Variants in STIM1 observed in about 807,000 individuals in gnomAD.
STIM1 encodes the protein stromal interaction molecule 1.
A neutral mutation model predicts 74.7 loss-of-function variants in STIM1; 25 were observed. The observed-to-expected ratio is 0.33, with a 90% CI of 0.24 to 0.47. The LOEUF (loss-of-function observed/expected upper bound fraction) is 0.47. Ranked by LOEUF, STIM1 falls within the 20% of genes least tolerant of loss-of-function variation. The pLI is 1.00. For missense variants in STIM1, 728 were observed against 920.8 expected, an observed-to-expected ratio of 0.79 and a Z score of 2.71; for synonymous variants, 328 against 348.8, an observed-to-expected ratio of 0.94 and a Z score of 0.66.
At chr11:3,879,497 A>T (rs1490049487) in intron 1 of STIM1, among the ~76,000 whole-genome samples, 1 of 152,170 alleles carries the variant, frequency 6.6e-6, no homozygotes, top group Admixed American at 6.5e-5. Context: ...TCATATTATA[A>T]TAACTCCCCA....
At chr11:3,879,038 C>G (rs2091403739) in intron 1 of STIM1, among the ~76,000 whole-genome samples, 1 of 152,156 alleles carries the variant, frequency 6.6e-6, no homozygotes, top group Non-Finnish European at 1.5e-5. Flanking sequence ...TCACTGCAAC[C>G]TCCGCCTCCC....
intron 2 of STIM1, among the ~76,000 whole-genome samples, chr11:3,982,279 C>T (rs1590621613): frequency 6.6e-6 from 1 of 151,954 alleles, no homozygotes; most frequent in East Asian, 1.9e-4. Flanking sequence ...CTCTGCCCAC[C>T]TCAGCCTCCC....
intron 2 of STIM1, among the ~76,000 whole-genome samples, chr11:4,018,661 A>G (rs1018066841): frequency 6.6e-6 from 1 of 151,256 alleles, no homozygotes; most frequent in East Asian, 1.9e-4. Flanking sequence ...AAAAAAAAAA[A>G]AAAGGCATAA....
chr11:4,003,030 T>C (rs2093736013), intron 2 of STIM1, among the ~76,000 whole-genome samples: 1 of 150,480 alleles, frequency 6.6e-6, no homozygotes, highest in Non-Finnish European at 1.5e-5. Flanking sequence ...CTCCCAAGAC[T>C]AAACCAGGAA....
chr11:3,921,780 C>G (rs2092720628), intron 1 of STIM1: 1 of 152,164 alleles, frequency 6.6e-6, no homozygotes, highest in South Asian at 2.1e-4. Flanking sequence ...TTTGCTTTCT[C>G]TCTGTCTCTT....
rs59411916 is a variant in STIM1 at position 3,895,667 on chromosome 11, T to C, written c.139+39258T>C. Among the ~76,000 whole-genome samples, 258 of 37,388 alleles carry C rather than the reference T, an allele frequency of 6.9e-3. 6 individuals carry two copies. Among genetic ancestry groups the C allele is most frequent in the African/African-American group, 0.021 (132 of 6,266 alleles). The allele number at this position is 37,388 out of a possible 152,430, so 24.5% of individuals were successfully genotyped here. ...CTTTCTTTCTTTCTTTCTTTCTTTC[T>C]TTCTTTCCTTCCTTCCTTCTTTCTT... On this transcript the variant is annotated intron_variant, in intron 1 of 12. Coordinates refer to ENST00000526596, the MANE Select transcript of STIM1 (RefSeq NM_001382567.1).
intron 1 of STIM1, among the ~76,000 whole-genome samples, chr11:3,887,786 G>A (rs376784988): frequency 5.9e-5 from 9 of 152,068 alleles, no homozygotes; most frequent in South Asian, 2.1e-4. Context: ...GGCTAACATG[G>A]TGAAACCCTG....
chr11:4,016,919 C>T (rs945247750), intron 2 of STIM1, among the ~76,000 whole-genome samples: 12 of 152,342 alleles, frequency 7.9e-5, no homozygotes, highest in Middle Eastern at 3.4e-3. Context: ...TTGCGAAGAC[C>T]GTGGGAAAAG....
At chr11:3,970,723 CA>C (rs950456674) in intron 2 of STIM1, among the ~76,000 whole-genome samples, 10 of 150,364 alleles carry the variant, frequency 6.7e-5, no homozygotes, top group African/African-American at 2.2e-4. Context: ...AGGCAAGTAT[CA>C]AAAAAAATCA....
chr11:4,040,469 C>A (rs2094139548), intron 3 of STIM1, among the ~76,000 whole-genome samples: 1 of 152,194 alleles, frequency 6.6e-6, no homozygotes, highest in Non-Finnish European at 1.5e-5. Flanking sequence ...AAGTCTTCTT[C>A]CCTGAAAACC....
At chr11:3,870,726 G>A (rs944816165) in intron 1 of STIM1, among the ~76,000 whole-genome samples, 1 of 152,008 alleles carries the variant, frequency 6.6e-6, no homozygotes, top group Non-Finnish European at 1.5e-5. Flanking sequence ...TGGAACTCCT[G>A]AGCTCAAGCA....
intron 11 of STIM1, among the ~76,000 whole-genome samples, chr11:4,085,796 G>A (rs951607920): frequency 3.9e-5 from 6 of 152,210 alleles, no homozygotes; most frequent in African/African-American, 1.4e-4. Flanking sequence ...AGAAGTGAAA[G>A]TCCTGGTTTC....
chr11:3,859,393 T>G (rs1342951771), intron 1 of STIM1, among the ~76,000 whole-genome samples: 1 of 152,200 alleles, frequency 6.6e-6, no homozygotes, highest in Non-Finnish European at 1.5e-5. Flanking sequence ...TGTGCTACTC[T>G]GGGGCTTGCG....
intron 3 of STIM1, among the ~76,000 whole-genome samples, chr11:4,044,542 C>T (rs2094175341): frequency 6.6e-6 from 1 of 152,178 alleles, no homozygotes; most frequent in South Asian, 2.1e-4. Context: ...GAGGATACAG[C>T]TCATCCTGGC....
chr11:3,922,896 G>A (rs891488450), intron 1 of STIM1, among the ~76,000 whole-genome samples: 2 of 151,908 alleles, frequency 1.3e-5, no homozygotes, highest in African/African-American at 4.8e-5. Flanking sequence ...TCAGGAGATC[G>A]AGACCATCCT....
At chr11:3,946,594 C>T (rs1203659085) in intron 1 of STIM1, among the ~76,000 whole-genome samples, 1 of 152,100 alleles carries the variant, frequency 6.6e-6, no homozygotes, top group African/African-American at 2.4e-5. Flanking sequence ...ATTTTTCTGC[C>T]TCTTAGTTTT....
chr11:3,894,731 G>A lies in STIM1; in HGVS notation c.139+38322G>A, dbSNP rs552517645. Among the ~76,000 whole-genome samples, 3 of 151,906 alleles carry A rather than the reference G, an allele frequency of 2.0e-5. No homozygotes were observed. The East Asian group carries it at 5.8e-4, about 29-fold the overall frequency. ...AATGAAGGGTATCTTGTTTTTAACC[G>A]TGTTCTTTTTTCTTTTCTTTTTTTT... On this transcript the variant is annotated intron_variant, in intron 1 of 12. Coordinates refer to ENST00000526596, the MANE Select transcript of STIM1 (RefSeq NM_001382567.1).
chr11:3,941,078 G>A (rs537665645), intron 1 of STIM1, among the ~76,000 whole-genome samples: 190 of 152,252 alleles, frequency 1.2e-3, no homozygotes, highest in Non-Finnish European at 1.7e-3. Flanking sequence ...GAGGATGAAT[G>A]AGGTAACAAA....
intron 5 of STIM1, among the ~76,000 whole-genome samples, chr11:4,067,345 T>A (rs1349792865): frequency 3.9e-5 from 6 of 152,208 alleles, no homozygotes; most frequent in Non-Finnish European, 7.3e-5. Context: ...TAAGGCCTGG[T>A]TATTTGGCCT....
Sources: gnomAD v4.1 joint callset for allele counts (sites outside exome capture counted in the v4.1 genomes callset) on GRCh38, gnomAD v4.1.1 for gene constraint, MANE v1.5 for transcripts, NCBI Gene and HGNC (gene_info 2026-07-23, HGNC 2026-07-21) for gene names.